GPATCH8: variants seen among roughly 807,000 people sequenced by gnomAD.
GPATCH8 encodes G patch domain-containing protein 8.
GPATCH8 carries 18 observed loss-of-function variants against 118.3 expected under a neutral mutation model. That is an observed-to-expected ratio of 0.15 (90% confidence interval 0.11 to 0.23). The LOEUF (loss-of-function observed/expected upper bound fraction) is 0.23. Among genes scored for constraint, GPATCH8 ranks in the 10% least tolerant of loss-of-function variants. The pLI is 1.00. For synonymous variants in GPATCH8, 659 were observed against 684.7 expected (o/e 0.96, Z 0.59); for missense variants, 1,631 against 1,873.8 (o/e 0.87, Z 2.39).
chr17:44,436,589 C>G, intron 3 of GPATCH8, 44 bp from the exon 4 acceptor site: 1 of 929,078 alleles, frequency 1.1e-6, no homozygotes, highest in Non-Finnish European at 1.8e-6. Flanking sequence ...AAAGCCAAAC[C>G]AACAGCTCAT....
At chr17:44,449,538 CAG>C (rs1344699964) in intron 3 of GPATCH8, among the ~76,000 whole-genome samples, 1 of 142,742 alleles carries the variant, frequency 7.0e-6, no homozygotes, top group Non-Finnish European at 1.5e-5. Flanking sequence ...TTTCCTGAGA[CAG>C]AGTTTCACTC....
intron 3 of GPATCH8, among the ~76,000 whole-genome samples, chr17:44,455,890 G>C (rs1372532947): frequency 1.3e-5 from 2 of 152,032 alleles, no homozygotes; most frequent in Non-Finnish European, 2.9e-5. Context: ...TGGGATTACA[G>C]GCACTCGCCA....
chr17:44,452,197 A>C (rs200565250), intron 3 of GPATCH8, among the ~76,000 whole-genome samples: 2 of 145,046 alleles, frequency 1.4e-5, no homozygotes, highest in Admixed American at 7.2e-5. Context: ...TGCTTGAACC[A>C]GGGAGGTGGA....
chr17:44,416,235 T>G (rs2049678802), intron 6 of GPATCH8, among the ~76,000 whole-genome samples: 1 of 152,158 alleles, frequency 6.6e-6, no homozygotes, highest in South Asian at 2.1e-4. Context: ...GGTCTCGAAC[T>G]TCTCACCTCA....
chr17:44,429,520 T>C (rs984006591), intron 5 of GPATCH8, among the ~76,000 whole-genome samples: 10 of 152,030 alleles, frequency 6.6e-5, no homozygotes, highest in African/African-American at 2.4e-4. Flanking sequence ...TTAAAAAACA[T>C]GTAAAACTAG....
intron 1 of GPATCH8, among the ~76,000 whole-genome samples, chr17:44,483,542 A>C (rs7503752): frequency 0.6 from 90,751 of 150,916 alleles, 27,441 homozygotes; most frequent in Middle Eastern, 0.66. Flanking sequence ...AGCCACCGCG[A>C]CTGGCCGAGG....
At chr17:44,420,065 G>A (rs35203463) in intron 6 of GPATCH8, among the ~76,000 whole-genome samples, 2 of 150,256 alleles carry the variant, frequency 1.3e-5, no homozygotes, top group Non-Finnish European at 3.0e-5. Context: ...TGCGTAAGAT[G>A]AGCTTTTAAG....
intron 6 of GPATCH8, among the ~76,000 whole-genome samples, chr17:44,408,542 C>T (rs1404240885): frequency 6.6e-6 from 1 of 152,198 alleles, no homozygotes; most frequent in East Asian, 1.9e-4. Context: ...AAAATTTCCC[C>T]ATGCCATTTC....
intron 3 of GPATCH8, among the ~76,000 whole-genome samples, chr17:44,457,009 C>T (rs1413859597): frequency 6.6e-6 from 1 of 151,900 alleles, no homozygotes; most frequent in South Asian, 2.1e-4. Flanking sequence ...ATTACAGGCA[C>T]GCACCACCAC....
rs142634815 is a variant in GPATCH8, at chr17:44,437,982, C to T, written c.194-1437G>A. ...AAACAAAACAACAACTTCTAGAATA[C>T]AGCCTTCTTTTAGATACAATCAAAG... On this transcript the variant is annotated intron_variant, in intron 3 of 7. Transcript: ENST00000591680. Among the ~76,000 whole-genome samples, 997 of 145,346 alleles carry T rather than the reference C, an allele frequency of 6.9e-3. 18 individuals are homozygous for T. Among genetic ancestry groups the T allele is most frequent in the African/African-American group, 0.023 (910 of 39,152 alleles).
At chr17:44,460,447 T>C (rs2144266464) in intron 3 of GPATCH8, among the ~76,000 whole-genome samples, 1 of 152,274 alleles carries the variant, frequency 6.6e-6, no homozygotes, top group South Asian at 2.1e-4. Flanking sequence ...GTTTACAAAG[T>C]ACAATTTAAT....
chr17:44,414,147 ATATATATATG>A (rs1567955890), intron 6 of GPATCH8, among the ~76,000 whole-genome samples: 1,464 of 23,752 alleles, frequency 0.062, 37 homozygotes, highest in East Asian at 0.19. Context: ...ATATATGTGT[ATATATATATG>A]TGTATATATA....
chr17:44,475,027 A>T, intron 1 of GPATCH8, 124 bp from the exon 2 acceptor site: 2 of 664,608 alleles, frequency 3.0e-6, no homozygotes, highest in Non-Finnish European at 2.7e-6. Context: ...AGGACACTGC[A>T]ATCGTTCATT....
intron 3 of GPATCH8, among the ~76,000 whole-genome samples, chr17:44,443,212 G>A (rs956947344): frequency 6.6e-6 from 1 of 152,094 alleles, no homozygotes; most frequent in African/African-American, 2.4e-5. Context: ...AAAAAATTAC[G>A]CAGGTGATTC....
intron 1 of GPATCH8, among the ~76,000 whole-genome samples, chr17:44,499,193 G>A (rs536222004): frequency 1.3e-5 from 2 of 151,964 alleles, no homozygotes; most frequent in South Asian, 4.2e-4. Context: ...AGGGCCAGGC[G>A]CGGTGGCTCA....
At chr17:44,408,981 A>C (rs921861216) in intron 6 of GPATCH8, 7 of 152,164 alleles carry the variant, frequency 4.6e-5, no homozygotes, top group African/African-American at 1.2e-4. Flanking sequence ...TTGAGACAGG[A>C]CTCAGCAAAC....
rs924882960 is a variant in GPATCH8 at position 44,453,506 on chromosome 17, T to TGC, written c.193+10965_193+10966insGC. On this transcript the variant is annotated intron_variant, in intron 3 of 7. Transcript: ENST00000591680. Reference sequence around the variant, plus strand: ...AGGTAGGTAGGTAGGTAGGGGTGTGTGTGTGTGTGTGTGTGTGTGTGTGTG... The same window carrying TGC: ...AGGTAGGTAGGTAGGTAGGGGTGTGTGCGTGTGTGTGTGTGTGTGTGTGTGTG... 1.3e-4 allele frequency among the ~76,000 whole-genome samples: 19 copies of TGC among 149,614 alleles called. No individual in the cohort carries two copies. The Admixed American group carries it at 1.3e-3, about 10-fold the overall frequency.
chr17:44,479,165 A>G (rs1968016597), intron 1 of GPATCH8, among the ~76,000 whole-genome samples: 1 of 152,248 alleles, frequency 6.6e-6, no homozygotes, highest in South Asian at 2.1e-4. Context: ...GGCACCTTCT[A>G]GGAAAAACCA....
intron 6 of GPATCH8, among the ~76,000 whole-genome samples, chr17:44,420,837 T>C (rs932365781): frequency 6.6e-6 from 1 of 152,150 alleles, no homozygotes; most frequent in Non-Finnish European, 1.5e-5. Context: ...TATTGAAGTT[T>C]GAATTATACT....
Sources: allele counts gnomAD v4.1 joint callset (sites outside exome capture counted in the v4.1 genomes callset), GRCh38; gene constraint gnomAD v4.1.1; transcripts MANE v1.5; gene names NCBI Gene and HGNC (gene_info 2026-07-23, HGNC 2026-07-21).